DNAJB1: variants seen among roughly 807,000 people sequenced by gnomAD.
DNAJB1 encodes the protein DnaJ heat shock protein family (Hsp40) member B1, also known as dnaJ homolog subfamily B member 1.
A neutral mutation model predicts 24.0 loss-of-function variants in DNAJB1; 14 were observed. That is an observed-to-expected ratio of 0.58 (90% confidence interval 0.39 to 0.91). DNAJB1 has a LOEUF of 0.91. Among genes scored for constraint, DNAJB1 ranks in the 40% least tolerant of loss-of-function variants. DNAJB1 has a pLI of 0.00. For missense variants in DNAJB1, 517 were observed against 458.1 expected (o/e 1.13, Z -1.17); for synonymous variants, 262 against 174.4 (o/e 1.50, Z -3.96).
At chr19:14,555,165 A>T (rs538368841), upstream of DNAJB1, among the ~76,000 whole-genome samples, 1 of 151,498 alleles carries the variant, frequency 6.6e-6, no homozygotes, top group South Asian at 2.1e-4. Flanking sequence ...TGCAGCCTGG[A>T]ACTCCTAGGC....
intron 1 of DNAJB1, 128 bp from the exon 2 acceptor site, chr19:14,517,174 A>AAG: frequency 1.1e-6 from 1 of 901,270 alleles, no homozygotes. Context: ...GAGAGCAAGG[A>AAG]AGAACCCCAA....
At chr19:14,545,167 C>G (rs998689845) in intron 1 of DNAJB1, 3 of 456,760 alleles carry the variant, frequency 6.6e-6, no homozygotes, top group Non-Finnish European at 8.8e-6. Context: ...CCAGCGATTC[C>G]TCATTGCTCA....
At chr19:14,559,387 G>T (rs922435477) in intron 1 of DNAJB1, among the ~76,000 whole-genome samples, 2 of 152,032 alleles carry the variant, frequency 1.3e-5, no homozygotes, top group African/African-American at 4.8e-5. Flanking sequence ...CTGTCTGTCT[G>T]CTCTGGGTAT....
chr19:14,518,658 G>A (rs1023912059), upstream of DNAJB1, among the ~76,000 whole-genome samples: 3 of 152,176 alleles, frequency 2.0e-5, no homozygotes, highest in African/African-American at 7.2e-5. Flanking sequence ...CCCACCTTTC[G>A]GGACGAGCCA....
intron 1 of DNAJB1, among the ~76,000 whole-genome samples, chr19:14,550,161 C>T (rs2073447702): frequency 1.3e-5 from 2 of 152,066 alleles, no homozygotes; most frequent in Non-Finnish European, 2.9e-5. Context: ...CAGTCCTTAA[C>T]AGGGCCTGGC....
chr19:14,558,448 T>C (rs2073806081), intron 1 of DNAJB1, among the ~76,000 whole-genome samples: 1 of 152,182 alleles, frequency 6.6e-6, no homozygotes, highest in Admixed American at 6.5e-5. Context: ...CCGTGTGTCC[T>C]GGCTCTTGGC....
chr19:14,558,039 G>A (rs2073792344), intron 1 of DNAJB1, among the ~76,000 whole-genome samples: 1 of 152,102 alleles, frequency 6.6e-6, no homozygotes, highest in Admixed American at 6.6e-5. Flanking sequence ...ACAGGCGTGA[G>A]CCACCACGCC....
At chr19:14,539,815 C>T (rs2073033775) in intron 1 of DNAJB1, among the ~76,000 whole-genome samples, 3 of 152,160 alleles carry the variant, frequency 2.0e-5, no homozygotes, top group Admixed American at 2.0e-4. Context: ...CAACCCCTTG[C>T]CTGTCACCCT....
chr19:14,517,870 C>T (rs1390376304), intron 1 of DNAJB1: 3 of 361,950 alleles, frequency 8.3e-6, no homozygotes, highest in South Asian at 1.0e-4. Flanking sequence ...CACCGCACCC[C>T]GGGGCTGCTC....
intron 1 of DNAJB1, among the ~76,000 whole-genome samples, chr19:14,535,451 G>A (rs866599577): frequency 9.7e-5 from 13 of 133,754 alleles, no homozygotes; most frequent in South Asian, 5.0e-4. Context: ...AGCTTGCAGT[G>A]AGCCGAGATC....
chr19:14,558,031 A>C (rs1393710944), intron 1 of DNAJB1, among the ~76,000 whole-genome samples: 1 of 152,242 alleles, frequency 6.6e-6, no homozygotes, highest in African/African-American at 2.4e-5. Context: ...CTGGCATTAC[A>C]GGCGTGAGCC....
At chr19:14,527,426 T>G (rs1215349782) in intron 2 of DNAJB1, 1 of 152,158 alleles carries the variant, frequency 6.6e-6, no homozygotes, top group African/African-American at 2.4e-5. Context: ...GTGATCCTCC[T>G]GCCTCGGCCT....
intron 1 of DNAJB1, among the ~76,000 whole-genome samples, chr19:14,545,410 G>GTCTCCTCTC (rs1555732419): frequency 1.3e-5 from 2 of 148,750 alleles, no homozygotes; most frequent in Non-Finnish European, 1.5e-5. Context: ...TGGGCCCTCT[G>GTCTCCTCTC]CACCGCTGTC....
At chr19:14,529,781 G>C (rs908495056), upstream of DNAJB1, 151 of 1,606,214 alleles carry the variant, frequency 9.4e-5, no homozygotes, top group Non-Finnish European at 1.4e-5. Flanking sequence ...GCGGGACCAC[G>C]GGACCCCACT....
chr19:14,546,240 C>T lies in DNAJB1; in HGVS notation c.-214+3968G>A, dbSNP rs8107751. On this transcript the variant is annotated intron_variant, in intron 1 of 3. Coordinates refer to the DNAJB1 transcript ENST00000676982. ...ATAGATCACACTGAAAGTTTTTGGG[C>T]ATCTAACTCAGAAGGAATTCTAGAT... 6.7e-3 allele frequency among the ~76,000 whole-genome samples: 1,021 copies of T among 151,896 alleles called. 13 individuals are homozygous for T. The highest frequency in any genetic ancestry group is 0.023 in the African/African-American group (973 of 41,488).
rs763247276 is a variant in DNAJB1 at position 14,516,143 on chromosome 19, G to A, written c.820C>T (p.Pro274Ser). 4.3e-6 allele frequency: 7 copies of A among 1,613,394 alleles called. No homozygotes were observed. The highest frequency in any genetic ancestry group is 5.9e-6 in the Non-Finnish European group (7 of 1,179,890). The change falls in exon 3 of 3, where the codon CCC (proline) becomes TCC (serine). Residue 274 changes from proline to serine, a missense_variant. Physicochemically the swap from Pro to Ser is moderately conservative, Grantham distance 74. Transcript: ENST00000254322. ...EALCGCTVNVPTLDGRTIPVV... is the reference protein window; with the variant it reads ...EALCGCTVNVSTLDGRTIPVV... ...GGTATCGTCCTGCCGTCCAGAGTGG[G>A]GACGTTCACTGTGCAGCCACACAGA...
upstream of DNAJB1, chr19:14,532,344 A>G (rs7247498): frequency 0.84 from 126,908 of 151,788 alleles, 53,889 homozygotes; most frequent in Middle Eastern, 0.9. Context: ...TGAGGAGTTC[A>G]AGACCAGCCT....
In DNAJB1 at chr19:14,515,924, T is replaced by C; in HGVS notation, c.*16A>G. ...TCTGGAAAGGTCCCTGGTCAGTCCT[T>C]GGGGAGCTCAGATAGCTATATTGGA... On this transcript the variant is annotated 3_prime_UTR_variant, in exon 3 of 3. Transcript: ENST00000254322. The C allele has an allele frequency of 6.2e-7, 1 of 1,604,650 alleles. No individual in the cohort carries two copies. The highest frequency in any genetic ancestry group is 8.5e-7 in the Non-Finnish European group (1 of 1,177,014).
chr19:14,536,351 C>T (rs1397218694), intron 1 of DNAJB1, among the ~76,000 whole-genome samples: 4 of 151,060 alleles, frequency 2.6e-5, no homozygotes, highest in African/African-American at 9.8e-5. Context: ...CTCACTGCAA[C>T]CTCTGCCTCC....
Sources: gnomAD v4.1 joint callset for allele counts (sites outside exome capture counted in the v4.1 genomes callset) on GRCh38, gnomAD v4.1.1 for gene constraint, MANE v1.5 for transcripts, NCBI Gene and HGNC (gene_info 2026-07-23, HGNC 2026-07-21) for gene names.